RCOR1: variants seen among roughly 807,000 people sequenced by gnomAD.
The protein encoded by RCOR1 is REST corepressor.
A neutral mutation model predicts 64.0 loss-of-function variants in RCOR1; 12 were observed. The ratio of observed to expected loss-of-function variants is 0.19; its 90% CI spans 0.12 to 0.30. RCOR1 has a LOEUF of 0.30. Among genes scored for constraint, RCOR1 ranks in the 10% least tolerant of loss-of-function variants. The pLI is 1.00. For synonymous variants in RCOR1, 279 were observed against 227.2 expected, an observed-to-expected ratio of 1.23 and a Z score of -2.05; for missense variants, 502 against 621.2, an observed-to-expected ratio of 0.81 and a Z score of 2.04.
chr14:102,714,443 T>C lies in RCOR1; in HGVS notation c.879T>C (p.Val293=), dbSNP rs1335558950. The C allele has an allele frequency of 1.6e-5, 25 of 1,610,376 alleles. No homozygotes were observed. Among genetic ancestry groups the C allele is most frequent in the Non-Finnish European group, 2.0e-5 (24 of 1,177,994 alleles). The change falls in exon 8 of 12, where the codon GTT becomes GTC. Residue 293 remains valine (V), a synonymous_variant. Coordinates refer to ENST00000262241, the MANE Select transcript of RCOR1 (RefSeq NM_015156.4). Reference sequence around the variant, plus strand: ...TGCAGGTTCCCCCTACTGAGACAGTTCCTCAGGTCAAAAAAGAAAAACATA... The same window carrying C: ...TGCAGGTTCCCCCTACTGAGACAGTCCCTCAGGTCAAAAAAGAAAAACATA... ...SKKEVPPTET[V]PQVKKEKHST...
At chr14:102,615,173 C>G (rs1404392066) in intron 2 of RCOR1, among the ~76,000 whole-genome samples, 4 of 149,686 alleles carry the variant, frequency 2.7e-5, no homozygotes, top group Non-Finnish European at 4.4e-5. Flanking sequence ...TTATTCTCAC[C>G]CAGCCTGGAG....
chr14:102,635,932 A>G (rs1364080630), intron 2 of RCOR1, among the ~76,000 whole-genome samples: 2 of 152,090 alleles, frequency 1.3e-5, no homozygotes, highest in East Asian at 3.9e-4. Context: ...TGAGAAACAT[A>G]AAAGTTTCTC....
At chr14:102,683,990 G>A (rs1055464591) in intron 3 of RCOR1, among the ~76,000 whole-genome samples, 2 of 152,196 alleles carry the variant, frequency 1.3e-5, no homozygotes, top group African/African-American at 4.8e-5. Context: ...AGCCCTCTCC[G>A]CCCCAGCCCC....
intron 3 of RCOR1, among the ~76,000 whole-genome samples, chr14:102,684,587 A>G (rs1895376086): frequency 6.6e-6 from 1 of 152,194 alleles, no homozygotes; most frequent in Non-Finnish European, 1.5e-5. Context: ...AAAAAACAAA[A>G]CAAACACTTA....
intron 2 of RCOR1, among the ~76,000 whole-genome samples, chr14:102,643,569 C>T (rs1054674525): frequency 1.3e-5 from 2 of 152,200 alleles, no homozygotes; most frequent in Non-Finnish European, 2.9e-5. Flanking sequence ...CACCAGGTAT[C>T]TTCAGAGGCC....
At chr14:102,662,491 G>T in intron 2 of RCOR1, 3 of 529,684 alleles carry the variant, frequency 5.7e-6, no homozygotes, top group Non-Finnish European at 7.5e-6. Flanking sequence ...TGATAATATG[G>T]TGGTCAAGCT....
At chr14:102,703,134 A>T (rs918964102) in intron 4 of RCOR1, among the ~76,000 whole-genome samples, 18 of 152,238 alleles carry the variant, frequency 1.2e-4, no homozygotes, top group African/African-American at 4.3e-4. Context: ...AACAAAGAAC[A>T]TGAAGAAAGG....
At chr14:102,690,986 A>C (rs1300233678) in intron 3 of RCOR1, among the ~76,000 whole-genome samples, 1 of 152,146 alleles carries the variant, frequency 6.6e-6, no homozygotes, top group African/African-American at 2.4e-5. Context: ...TTTGCTCTGT[A>C]ACTTGGGTTG....
At chr14:102,622,183 A>AG (rs1893888852) in intron 2 of RCOR1, among the ~76,000 whole-genome samples, 1 of 23,644 alleles carries the variant, frequency 4.2e-5, no homozygotes, top group South Asian at 2.5e-3. Context: ...TCTCTTTCTT[A>AG]CTCTTAAGAA....
chr14:102,595,680 C>A (rs536929024), intron 2 of RCOR1, among the ~76,000 whole-genome samples: 1 of 151,748 alleles, frequency 6.6e-6, no homozygotes, highest in African/African-American at 2.4e-5. Context: ...CCCAGGTTCA[C>A]GCCATTCTCC....
intron 2 of RCOR1, among the ~76,000 whole-genome samples, chr14:102,680,728 C>T (rs1426735217): frequency 3.3e-5 from 5 of 152,118 alleles, no homozygotes; most frequent in Non-Finnish European, 7.4e-5. Context: ...TTGCTTGAGC[C>T]TGGGAGGCAG....
intron 2 of RCOR1, among the ~76,000 whole-genome samples, chr14:102,650,772 A>T (rs1894572375): frequency 6.6e-6 from 1 of 152,224 alleles, no homozygotes; most frequent in South Asian, 2.1e-4. Context: ...AGGGATAAAC[A>T]TTGAAGTTAT....
intron 4 of RCOR1, among the ~76,000 whole-genome samples, chr14:102,703,744 C>T (rs1250107704): frequency 6.6e-6 from 1 of 152,176 alleles, no homozygotes; most frequent in Admixed American, 6.5e-5. Flanking sequence ...GAACTTGAAG[C>T]CCATCAAGCC....
At chr14:102,677,399 C>T (rs1374461191) in intron 2 of RCOR1, among the ~76,000 whole-genome samples, 16 of 144,108 alleles carry the variant, frequency 1.1e-4, no homozygotes, top group Admixed American at 3.4e-4. Context: ...TCCTCACTTC[C>T]CAGACGGGGT....
At chr14:102,706,376 A>G (rs1292437494) in intron 4 of RCOR1, among the ~76,000 whole-genome samples, 1 of 152,046 alleles carries the variant, frequency 6.6e-6, no homozygotes, top group East Asian at 1.9e-4. Context: ...AGGGTGGAAA[A>G]TGGTATCCCA....
chr14:102,623,257 C>T (rs1893910486), intron 2 of RCOR1, among the ~76,000 whole-genome samples: 2 of 152,086 alleles, frequency 1.3e-5, no homozygotes, highest in South Asian at 2.1e-4. Flanking sequence ...TTTGATCTTC[C>T]TTTGCATTGA....
At chr14:102,699,079 G>C (rs563156530) in intron 3 of RCOR1, among the ~76,000 whole-genome samples, 201 of 152,274 alleles carry the variant, frequency 1.3e-3, no homozygotes, top group African/African-American at 4.6e-3. Flanking sequence ...TAGAGATGGG[G>C]TTTCACCATG....
chr14:102,598,018 C>T (rs1263427541), intron 2 of RCOR1, among the ~76,000 whole-genome samples: 1 of 152,176 alleles, frequency 6.6e-6, no homozygotes, highest in Non-Finnish European at 1.5e-5. Context: ...GATAGGGTTT[C>T]TCCATGTTGG....
chr14:102,610,935 G>A lies in RCOR1; in HGVS notation c.361+17610G>A, dbSNP rs72700684. Among the ~76,000 whole-genome samples the A allele has an allele frequency of 6.2e-3, 936 of 152,036 alleles. 9 individuals carry two copies. The highest frequency in any genetic ancestry group is 9.7e-3 in the Non-Finnish European group (660 of 68,014). The stretch of plus-strand genomic sequence containing the variant: ...GTGCATGAAATTTGAGATGGGTACA[G>A]CTGAGAAATGTATGATGGCTGTGTG... On this transcript the variant is annotated intron_variant, in intron 2 of 11. Coordinates refer to ENST00000262241, the MANE Select transcript of RCOR1 (RefSeq NM_015156.4).
Sources: gnomAD v4.1 joint callset for allele counts (sites outside exome capture counted in the v4.1 genomes callset) on GRCh38, gnomAD v4.1.1 for gene constraint, MANE v1.5 for transcripts, NCBI Gene and HGNC (gene_info 2026-07-23, HGNC 2026-07-21) for gene names.